The following GARNL3 variants were observed in gnomAD, a reference collection of about 807,000 sequenced individuals.
The protein encoded by GARNL3 is GTPase activating Rap/RanGAP domain like 3.
A neutral mutation model predicts 125.0 loss-of-function variants in GARNL3; 63 were observed. That is an observed-to-expected ratio of 0.50 (90% CI 0.41 to 0.62). The LOEUF is 0.62. Ranked by LOEUF, GARNL3 falls within the 20% of genes least tolerant of loss-of-function variation. GARNL3 has a pLI of 0.00. For missense variants in GARNL3, 994 were observed against 1,244.0 expected, an observed-to-expected ratio of 0.80 and a Z score of 3.02; for synonymous variants, 439 against 457.5, an observed-to-expected ratio of 0.96 and a Z score of 0.52.
intron 20 of GARNL3, among the ~76,000 whole-genome samples, chr9:127,356,190 A>G (rs1400482112): frequency 1.3e-5 from 2 of 152,206 alleles, no homozygotes; most frequent in Non-Finnish European, 2.9e-5. Context: ...GCTTCTGGGT[A>G]GAGGGGAGCT....
At chr9:127,346,304 A>C (rs768993949) in intron 16 of GARNL3, among the ~76,000 whole-genome samples, 1 of 152,256 alleles carries the variant, frequency 6.6e-6, no homozygotes, top group Non-Finnish European at 1.5e-5. Context: ...AGTGTCCATT[A>C]TAAAAGCAAA....
At chr9:127,265,043 A>G (rs2063673122) in intron 1 of GARNL3, 22 bp downstream of exon 1, 1 of 1,602,066 alleles carries the variant, frequency 6.2e-7, no homozygotes, top group Non-Finnish European at 8.5e-7. Context: ...CTGTCTGTTC[A>G]GTGGTAGTAC....
At position 127,391,533 on chromosome 9, in the gene GARNL3, AAT is replaced by A. The variant is rs1554741684; in HGVS notation, c.2870+784_2870+785del. 6.1e-4 allele frequency among the ~76,000 whole-genome samples: 46 copies of A among 75,798 alleles called. 1 individual carries two copies. The highest frequency in any genetic ancestry group is 8.1e-3 in the Middle Eastern group (1 of 124). 49.7% of individuals were successfully genotyped at this position (75,798 alleles called of 152,430 possible). ...GCAAGACCCATCTCTACAAAAAAAA[AAT>A]ATATATATATATATATAGGCTGGGT... On this transcript the variant is annotated intron_variant, in intron 27 of 27. Transcript: ENST00000373387.
chr9:127,381,741 C>T (rs895712949), intron 22 of GARNL3, among the ~76,000 whole-genome samples: 5 of 150,494 alleles, frequency 3.3e-5, no homozygotes, highest in South Asian at 2.1e-4. Flanking sequence ...GGACTACAGG[C>T]GCCCGCCACC....
chr9:127,377,299 GA>G (rs1286652263), intron 22 of GARNL3, among the ~76,000 whole-genome samples: 1 of 151,494 alleles, frequency 6.6e-6, no homozygotes, highest in Non-Finnish European at 1.5e-5. Context: ...GTAGAGACAT[GA>G]TGAATTTTTT....
At chr9:127,319,536 A>G (rs970266138) in intron 5 of GARNL3, among the ~76,000 whole-genome samples, 1 of 151,982 alleles carries the variant, frequency 6.6e-6, no homozygotes, top group Non-Finnish European at 1.5e-5. Context: ...GTTATATCCC[A>G]CTTTCAAGCT....
At chr9:127,275,160 T>C (rs1017899262) in intron 1 of GARNL3, among the ~76,000 whole-genome samples, 3 of 152,256 alleles carry the variant, frequency 2.0e-5, no homozygotes, top group Non-Finnish European at 4.4e-5. Context: ...AGTTGCTTTT[T>C]TCAGTACCTA....
chr9:127,233,778 C>G (rs2063062727), intron 1 of GARNL3, among the ~76,000 whole-genome samples: 1 of 152,232 alleles, frequency 6.6e-6, no homozygotes, highest in Admixed American at 6.5e-5. Context: ...CAAATGCTTT[C>G]TTGTTCCTGA....
At chr9:127,299,398 G>A (rs1317407840) in intron 2 of GARNL3, among the ~76,000 whole-genome samples, 5 of 151,580 alleles carry the variant, frequency 3.3e-5, no homozygotes, top group African/African-American at 7.3e-5. Flanking sequence ...ATGCATAAGC[G>A]TGACAGTCTC....
chr9:127,345,375 A>G, intron 15 of GARNL3, 28 bp from the exon 16 acceptor site: 2 of 1,474,506 alleles, frequency 1.4e-6, no homozygotes, highest in Non-Finnish European at 1.8e-6. Flanking sequence ...CGCCTAGTAA[A>G]CTTTAATAGA....
At chr9:127,378,765 T>TGTTTGTTTG (rs1564195087) in intron 22 of GARNL3, among the ~76,000 whole-genome samples, 1 of 151,980 alleles carries the variant, frequency 6.6e-6, no homozygotes, top group African/African-American at 2.4e-5. Context: ...TATATATATT[T>TGTTTGTTTG]TTTGTTTGTT....
chr9:127,306,407 A>G (rs920245222), intron 2 of GARNL3, among the ~76,000 whole-genome samples: 2 of 151,472 alleles, frequency 1.3e-5, no homozygotes, highest in African/African-American at 4.9e-5. Context: ...ACGTGACGAA[A>G]CCCCGTCTGT....
intron 1 of GARNL3, among the ~76,000 whole-genome samples, chr9:127,279,788 A>G (rs754825084): frequency 3.3e-5 from 5 of 152,078 alleles, no homozygotes; most frequent in African/African-American, 4.8e-5. Context: ...TTTTACTTCA[A>G]ACAAAAACAA....
chr9:127,240,364 CT>C (rs1262445126), intron 1 of GARNL3, among the ~76,000 whole-genome samples: 10 of 152,136 alleles, frequency 6.6e-5, no homozygotes, highest in Non-Finnish European at 1.2e-4. Flanking sequence ...GGTGAACTGC[CT>C]TTGCACCCTT....
At chr9:127,257,592 T>C (rs1193618961) in intron 2 of GARNL3, among the ~76,000 whole-genome samples, 1 of 152,200 alleles carries the variant, frequency 6.6e-6, no homozygotes, top group East Asian at 1.9e-4. Context: ...AGAAACTTAG[T>C]GGACACACCG....
At chr9:127,374,907 T>TAAA (rs1443292106) in intron 22 of GARNL3, among the ~76,000 whole-genome samples, 1 of 98,244 alleles carries the variant, frequency 1.0e-5, no homozygotes, top group African/African-American at 4.6e-5. Flanking sequence ...ACTCCATCTC[T>TAAA]ACAAAAAAAA....
intron 1 of GARNL3, among the ~76,000 whole-genome samples, chr9:127,288,822 T>C (rs2064326191): frequency 6.6e-6 from 1 of 152,222 alleles, no homozygotes. Flanking sequence ...GACTATCAGC[T>C]CTTCTCCCAA....
At position 127,354,386 on chromosome 9, in the gene GARNL3, G is replaced by GA; in HGVS notation, c.1739dup (p.Asn580LysfsTer15). ...TGGGAAGAGCAGGTCTGACTGCAGAGAAAACAAGTTGGAGAAAACAAAAGG... is the reference window on the plus strand; with the variant it reads ...TGGGAAGAGCAGGTCTGACTGCAGAGAAAAACAAGTTGGAGAAAACAAAAGG... On this transcript the variant is annotated frameshift_variant, in exon 19 of 28. Transcript: ENST00000373387. LOFTEE classifies it high-confidence loss of function. 1 of 1,611,754 alleles carries GA rather than the reference G, an allele frequency of 6.2e-7. No homozygotes were observed. The highest frequency in any genetic ancestry group is 1.7e-4 in the Middle Eastern group (1 of 6,050).
At chr9:127,255,203 T>C (rs1017930615) in intron 2 of GARNL3, among the ~76,000 whole-genome samples, 1 of 152,188 alleles carries the variant, frequency 6.6e-6, no homozygotes, top group African/African-American at 2.4e-5. Flanking sequence ...TGTAAAAGGA[T>C]GTTCATTACA....
Sources: gnomAD v4.1 joint callset for allele counts (sites outside exome capture counted in the v4.1 genomes callset) on GRCh38, gnomAD v4.1.1 for gene constraint, MANE v1.5 for transcripts, NCBI Gene and HGNC (gene_info 2026-07-23, HGNC 2026-07-21) for gene names.